The following PLXDC2 variants were observed in gnomAD, a reference collection of about 807,000 sequenced individuals.
PLXDC2 encodes plexin domain containing 2.
In PLXDC2, 40 loss-of-function variants were observed where a neutral mutation model predicts 68.9. The observed-to-expected ratio is 0.58, with a 90% confidence interval of 0.45 to 0.76. The LOEUF is 0.76. PLXDC2 is among the 30% of genes least tolerant of loss of function. The probability of loss-of-function intolerance (pLI) is 0.00; values close to 1 mark genes in which losing one functional copy is unlikely to be tolerated. For missense variants in PLXDC2, 644 were observed against 661.9 expected (o/e 0.97, Z 0.30); for synonymous variants, 243 against 234.2 (o/e 1.04, Z -0.34).
At chr10:20,083,927 A>C (rs1472243945) in intron 4 of PLXDC2, among the ~76,000 whole-genome samples, 1 of 152,214 alleles carries the variant, frequency 6.6e-6, no homozygotes, top group African/African-American at 2.4e-5. Flanking sequence ...CTTGGTTGAA[A>C]TGTAACAGTC....
chr10:19,966,955 G>A (rs1031103407), intron 1 of PLXDC2, among the ~76,000 whole-genome samples: 7 of 152,142 alleles, frequency 4.6e-5, no homozygotes, highest in African/African-American at 1.7e-4. Context: ...GCCACATTCC[G>A]GAGCTGTGAA....
chr10:20,017,974 A>G (rs1425922946), intron 2 of PLXDC2, among the ~76,000 whole-genome samples: 6 of 152,226 alleles, frequency 3.9e-5, no homozygotes, highest in Admixed American at 2.6e-4. Flanking sequence ...CAGGACAGCC[A>G]TTACCCAGCT....
In PLXDC2 at chr10:20,065,023, C is replaced by A. The variant is rs148624280; in HGVS notation, c.472-3147C>A. ...GTTTTTTTCTCTTTTCCTTGTCTCACTTTTCCTAGTTCCTTGAGCAAGTGC... is the reference window on the plus strand; with the variant it reads ...GTTTTTTTCTCTTTTCCTTGTCTCAATTTTCCTAGTTCCTTGAGCAAGTGC... On this transcript the variant is annotated intron_variant, in intron 3 of 13. Coordinates refer to ENST00000377252, the MANE Select transcript of PLXDC2 (RefSeq NM_032812.9). Among the ~76,000 whole-genome samples the A allele has an allele frequency of 2.5e-3, 377 of 152,226 alleles. 3 individuals are homozygous for A. The highest frequency in any genetic ancestry group is 8.8e-3 in the African/African-American group (364 of 41,548).
In PLXDC2 at chr10:20,147,970, C is replaced by A. The variant is rs939289861; in HGVS notation, c.783+68C>A. On this transcript the variant is annotated intron_variant, in intron 6 of 13. Coordinates refer to ENST00000377252, the MANE Select transcript of PLXDC2 (RefSeq NM_032812.9). ...TGACTGCTGCCTTTCCTCCAAATGTCAAGAAAGGGACATTTTACAGCCATG... is the reference window on the plus strand; with the variant it reads ...TGACTGCTGCCTTTCCTCCAAATGTAAAGAAAGGGACATTTTACAGCCATG... 9 of 1,097,836 alleles carry A rather than the reference C, an allele frequency of 8.2e-6. No homozygotes were observed. In the African/African-American group the frequency reaches 1.1e-4, roughly 13 times the overall value. The allele number at this position is 1,097,836 out of a possible 1,614,324, so 68.0% of individuals were successfully genotyped here. A position where few individuals can be genotyped will look rare whatever the true frequency, so the allele number is the denominator to read the frequency against.
At chr10:20,036,180 A>T (rs1278353615) in intron 2 of PLXDC2, among the ~76,000 whole-genome samples, 1 of 152,164 alleles carries the variant, frequency 6.6e-6, no homozygotes, top group Non-Finnish European at 1.5e-5. Context: ...GCATAGGTTG[A>T]AGCCCTAGGC....
intron 6 of PLXDC2, among the ~76,000 whole-genome samples, chr10:20,155,322 G>A (rs2131805442): frequency 6.6e-6 from 1 of 152,250 alleles, no homozygotes; most frequent in African/African-American, 2.4e-5. Context: ...GTCAGAGAAG[G>A]CCAAAAAGAA....
intron 1 of PLXDC2, among the ~76,000 whole-genome samples, chr10:19,981,087 G>C (rs557382733): frequency 6.6e-6 from 1 of 152,222 alleles, no homozygotes; most frequent in African/African-American, 2.4e-5. Context: ...TTTCTCAGCT[G>C]TTTGACATTT....
intron 6 of PLXDC2, among the ~76,000 whole-genome samples, chr10:20,159,815 T>C (rs1214923541): frequency 6.6e-6 from 1 of 152,198 alleles, no homozygotes; most frequent in African/African-American, 2.4e-5. Flanking sequence ...TACCCACAGT[T>C]GTTTCCCAAA....
chr10:20,211,448 T>C (rs921172154), intron 9 of PLXDC2, among the ~76,000 whole-genome samples: 4 of 152,174 alleles, frequency 2.6e-5, no homozygotes, highest in African/African-American at 7.2e-5. Context: ...TTGGTTGCCA[T>C]GTGCGATCCT....
intron 1 of PLXDC2, among the ~76,000 whole-genome samples, chr10:19,961,404 C>A (rs920055222): frequency 6.6e-6 from 1 of 152,184 alleles, no homozygotes. Context: ...CCTTTTGTTC[C>A]TAGCATTCTA....
At chr10:19,901,958 T>C (rs1027018240) in intron 1 of PLXDC2, among the ~76,000 whole-genome samples, 1 of 152,154 alleles carries the variant, frequency 6.6e-6, no homozygotes, top group African/African-American at 2.4e-5. Context: ...ATGTTTTTGT[T>C]TGCTTTGTTG....
intron 12 of PLXDC2, among the ~76,000 whole-genome samples, chr10:20,225,514 T>G (rs1588528715): frequency 6.6e-6 from 1 of 152,304 alleles, no homozygotes; most frequent in East Asian, 1.9e-4. Context: ...GTTTTATGTT[T>G]GGTTTGTTTG....
chr10:19,975,717 A>G (rs916617534), intron 1 of PLXDC2, among the ~76,000 whole-genome samples: 1 of 152,112 alleles, frequency 6.6e-6, no homozygotes, highest in African/African-American at 2.4e-5. Context: ...TTACTGTCTG[A>G]TTTTGGTATA....
chr10:20,116,141 C>A (rs1251048075), intron 4 of PLXDC2, among the ~76,000 whole-genome samples: 1 of 152,204 alleles, frequency 6.6e-6, no homozygotes, highest in Non-Finnish European at 1.5e-5. Flanking sequence ...TGCATGCCTT[C>A]CTGCAGTCCC....
chr10:20,035,970 A>G (rs979393009), intron 2 of PLXDC2, among the ~76,000 whole-genome samples: 1 of 152,204 alleles, frequency 6.6e-6, no homozygotes, highest in Non-Finnish European at 1.5e-5. Context: ...AAATAGATCA[A>G]GACAGATAAC....
At chr10:20,134,214 A>T (rs1402146751) in intron 4 of PLXDC2, among the ~76,000 whole-genome samples, 1 of 152,140 alleles carries the variant, frequency 6.6e-6, no homozygotes, top group Non-Finnish European at 1.5e-5. Flanking sequence ...ATAGATCTCC[A>T]ATTCTTTGAG....
At chr10:20,130,105 T>C (rs1365775225) in intron 4 of PLXDC2, among the ~76,000 whole-genome samples, 1 of 152,132 alleles carries the variant, frequency 6.6e-6, no homozygotes, top group Non-Finnish European at 1.5e-5. Context: ...TTGGGTCACA[T>C]GGAAAGTTTA....
At chr10:20,014,199 T>C (rs906437427) in intron 2 of PLXDC2, among the ~76,000 whole-genome samples, 1 of 147,916 alleles carries the variant, frequency 6.8e-6, no homozygotes, top group Non-Finnish European at 1.5e-5. Context: ...CTCCCTTGTT[T>C]CCTTCCTTCC....
intron 9 of PLXDC2, among the ~76,000 whole-genome samples, chr10:20,198,968 T>C (rs1403851729): frequency 6.6e-6 from 1 of 152,082 alleles, no homozygotes; most frequent in East Asian, 1.9e-4. Flanking sequence ...CATTCAGTCT[T>C]TCACCATAAT....
Sources: allele counts gnomAD v4.1 joint callset (sites outside exome capture counted in the v4.1 genomes callset), GRCh38; gene constraint gnomAD v4.1.1; transcripts MANE v1.5; gene names NCBI Gene and HGNC (gene_info 2026-07-23, HGNC 2026-07-21).